Variants in HEATR4 observed in about 807,000 individuals in gnomAD.
HEATR4 encodes HEAT repeat-containing protein 4.
HEATR4 carries 95 observed loss-of-function variants against 108.8 expected under a neutral mutation model. That is an observed-to-expected ratio of 0.87 (90% confidence interval 0.74 to 1.04). HEATR4 has a LOEUF of 1.04. Ranked by LOEUF, HEATR4 falls within the 50% of genes least tolerant of loss-of-function variation. The pLI is 0.00. For synonymous variants in HEATR4, 443 were observed against 459.4 expected (o/e 0.96, Z 0.46); for missense variants, 1,152 against 1,253.8 (o/e 0.92, Z 1.23).
chr14:73,576,639 C>CA, the HEATR4 span, among the ~76,000 whole-genome samples: 5 of 150,634 alleles, frequency 3.3e-5, no homozygotes, highest in African/African-American at 9.7e-5. Context: ...CCCGTCTCTA[C>CA]AAAAAAATAG....
intron 17 of HEATR4, among the ~76,000 whole-genome samples, chr14:73,485,847 T>C (rs1885430061): frequency 6.8e-6 from 1 of 147,330 alleles, no homozygotes; most frequent in Non-Finnish European, 1.5e-5. Context: ...TCAGGCTAGG[T>C]GACAAAGCAA....
the HEATR4 span, among the ~76,000 whole-genome samples, chr14:73,617,640 T>C: frequency 2.0e-5 from 3 of 152,174 alleles, no homozygotes; most frequent in Non-Finnish European, 4.4e-5. Context: ...AGTTACTCTC[T>C]CTGGAGTTCA....
chr14:73,528,866 T>C (rs887931489), intron 2 of HEATR4: 4 of 152,154 alleles, frequency 2.6e-5, no homozygotes, highest in African/African-American at 9.7e-5. Flanking sequence ...GGCTATGGGG[T>C]ACTCAGCAAT....
At chr14:73,529,415 G>C (rs1159513491) in intron 2 of HEATR4, among the ~76,000 whole-genome samples, 4 of 151,296 alleles carry the variant, frequency 2.6e-5, no homozygotes, top group Admixed American at 2.0e-4. Context: ...CCAGGCCCTG[G>C]AATGAGCAAC....
intron 1 of HEATR4, among the ~76,000 whole-genome samples, chr14:73,551,517 A>C (rs183081684): frequency 0.024 from 2,722 of 114,590 alleles, 855 homozygotes; most frequent in Non-Finnish European, 0.041. Flanking sequence ...ATTAAGAGAC[A>C]AAATGGCAGG....
chr14:73,500,587 C>T lies in HEATR4; in HGVS notation c.2249G>A (p.Cys750Tyr). The T allele has an allele frequency of 1.2e-6, 2 of 1,613,902 alleles. No homozygotes were observed. Among genetic ancestry groups the T allele is most frequent in the Non-Finnish European group, 1.7e-6 (2 of 1,179,968 alleles). ...GATCTGCAGGGCACCAGCTGCCAAA[C>T]AGGCTGCCCGCCGAACTGCTGTGAA... Reference protein sequence around the residue: ...DDFTAVRRAACLAAGALQIRD... With the variant: ...DDFTAVRRAAYLAAGALQIRD... Residue 750 changes from cysteine to tyrosine, a missense_variant, in exon 12 of 18, where the codon TGT (cysteine) becomes TAT (tyrosine). Transcript: ENST00000553558.
chr14:73,615,434 CG>C, the HEATR4 span, among the ~76,000 whole-genome samples: 1 of 105,116 alleles, frequency 9.5e-6, no homozygotes, highest in Non-Finnish European at 1.9e-5. Flanking sequence ...CCAGCAACAA[CG>C]AAAAAAAAAA....
the HEATR4 span, among the ~76,000 whole-genome samples, chr14:73,630,723 A>C: frequency 1.3e-5 from 2 of 152,204 alleles, no homozygotes; most frequent in Non-Finnish European, 2.9e-5. Context: ...AATTACAGTA[A>C]TATTTTGAGG....
chr14:73,594,442 GCGGC>G, the HEATR4 span, among the ~76,000 whole-genome samples: 3 of 11,010 alleles, frequency 2.7e-4, no homozygotes, highest in South Asian at 5.9e-3. Context: ...CTGTGGCTCA[GCGGC>G]TCAGCGGCTC....
chr14:73,537,937 G>C lies in HEATR4; in HGVS notation c.-151-7693C>G. The C allele has an allele frequency of 6.6e-6, 4 of 609,342 alleles. 1 individual carries two copies. The highest frequency in any genetic ancestry group is 8.6e-6 in the Non-Finnish European group (4 of 465,140). The allele number at this position is 609,342 out of a possible 1,614,324, so 37.7% of individuals were successfully genotyped here. A position where few individuals can be genotyped will look rare whatever the true frequency, so the allele number is the denominator to read the frequency against. ...CATCCCTGTTCCTGCGCTTTCCACT[G>C]TGTGTGTGTGTGTGTCCCCTTCGCC... On this transcript the variant is annotated intron_variant, in intron 1 of 17. Transcript: ENST00000553558.
intron 13 of HEATR4, 78 bp downstream of exon 13, chr14:73,498,993 A>T: frequency 8.4e-7 from 1 of 1,193,904 alleles, no homozygotes; most frequent in Non-Finnish European, 1.3e-6. Context: ...CCCATTAGAG[A>T]GTTTCAGGGG....
At chr14:73,508,808 A>T (rs2140275337) in intron 8 of HEATR4, among the ~76,000 whole-genome samples, 1 of 150,756 alleles carries the variant, frequency 6.6e-6, no homozygotes, top group Middle Eastern at 3.5e-3. Flanking sequence ...GTGGCAGTGT[A>T]CCTGTTTTGT....
Position 73,545,495 on chromosome 14 carries a change from T to C in HEATR4, c.-152+13256A>G, listed in dbSNP as rs576257631. ...CAACCCAGGAATGCAGCTGGTGCCA[T>C]GTCTCCAAACTTCCACAAGAATGCC... On this transcript the variant is annotated intron_variant, in intron 1 of 17. Coordinates refer to ENST00000553558, the MANE Select transcript of HEATR4 (RefSeq NM_001220484.1). 1.1e-3 allele frequency among the ~76,000 whole-genome samples: 77 copies of C among 72,010 alleles called. 11 individuals are homozygous for C. Among genetic ancestry groups the C allele is most frequent in the African/African-American group, 3.0e-3 (70 of 23,284 alleles). The allele number at this position is 72,010 out of a possible 152,430, so 47.2% of individuals were successfully genotyped here.
At chr14:73,559,726 G>A (rs1332871113), upstream of HEATR4, among the ~76,000 whole-genome samples, 1 of 151,976 alleles carries the variant, frequency 6.6e-6, no homozygotes, top group African/African-American at 2.4e-5. Context: ...TGGGCAGCAA[G>A]AGTGAAGTGC....
the HEATR4 span, among the ~76,000 whole-genome samples, chr14:73,574,697 T>C: frequency 6.6e-6 from 1 of 151,980 alleles, no homozygotes; most frequent in Non-Finnish European, 1.5e-5. Context: ...AATTGATAGA[T>C]CTTCCACATG....
chr14:73,508,019 T>C, intron 9 of HEATR4, 115 bp downstream of exon 9: 1 of 974,154 alleles, frequency 1.0e-6, no homozygotes, highest in Non-Finnish European at 1.6e-6. Flanking sequence ...GTGTTGGGAT[T>C]ACAGGCATAA....
intron 1 of HEATR4, among the ~76,000 whole-genome samples, chr14:73,535,465 C>CTTTTTTTTTTTTTTTTTTT (rs1888827549): frequency 6.3e-5 from 1 of 15,806 alleles, no homozygotes; most frequent in Non-Finnish European, 2.5e-4. Flanking sequence ...TCTTTTTCTT[C>CTTTTTTTTTTTTTTTTTTT]TTTCTTTTTT....
At chr14:73,513,748 A>G in intron 6 of HEATR4, among the ~76,000 whole-genome samples, 1 of 149,952 alleles carries the variant, frequency 6.7e-6, no homozygotes, top group East Asian at 1.9e-4. Flanking sequence ...AAAAAAAAAA[A>G]AAAAAAAAAT....
intron 17 of HEATR4, chr14:73,491,736 G>C: frequency 6.4e-7 from 1 of 1,554,332 alleles, no homozygotes; most frequent in Non-Finnish European, 8.7e-7. Flanking sequence ...TACTACCAGG[G>C]ACTTTTCTCT....
Sources: gnomAD v4.1 joint callset for allele counts (sites outside exome capture counted in the v4.1 genomes callset) on GRCh38, gnomAD v4.1.1 for gene constraint, MANE v1.5 for transcripts, NCBI Gene and HGNC (gene_info 2026-07-23, HGNC 2026-07-21) for gene names.